SCYL2: variants seen among roughly 807,000 people sequenced by gnomAD.
SCYL2 encodes SCY1-like protein 2.
A neutral mutation model predicts 100.4 loss-of-function variants in SCYL2; 36 were observed. That is an observed-to-expected ratio of 0.36 (90% CI 0.27 to 0.47). The LOEUF is 0.47. Ranked by LOEUF, SCYL2 falls within the 20% of genes least tolerant of loss-of-function variation. SCYL2 has a pLI of 1.00. For synonymous variants in SCYL2, 330 were observed against 359.2 expected, an observed-to-expected ratio of 0.92 and a Z score of 0.92; for missense variants, 902 against 1,083.9, an observed-to-expected ratio of 0.83 and a Z score of 2.36.
At chr12:100,304,470 C>G (rs143317804) in intron 4 of SCYL2, among the ~76,000 whole-genome samples, 25 of 152,258 alleles carry the variant, frequency 1.6e-4, no homozygotes, top group African/African-American at 5.5e-4. Flanking sequence ...CACCATCCCT[C>G]ATGGGACATA....
At chr12:100,303,884 G>T (rs139175264) in intron 4 of SCYL2, among the ~76,000 whole-genome samples, 96 of 152,314 alleles carry the variant, frequency 6.3e-4, no homozygotes, top group African/African-American at 2.1e-3. Flanking sequence ...CAAATGCTCT[G>T]TCTCAGGGAA....
chr12:100,294,874 G>A (rs1278401247), intron 3 of SCYL2, among the ~76,000 whole-genome samples: 5 of 151,672 alleles, frequency 3.3e-5, no homozygotes, highest in South Asian at 2.1e-4. Context: ...GGTGGCTGCC[G>A]GGCGGAGAGG....
intron 1 of SCYL2, among the ~76,000 whole-genome samples, chr12:100,275,140 C>T (rs1236639671): frequency 6.6e-6 from 1 of 151,614 alleles, no homozygotes; most frequent in East Asian, 1.9e-4. Flanking sequence ...TATTTCATAC[C>T]CTTGAAACAG....
chr12:100,276,499 A>T (rs2096292625), intron 1 of SCYL2, among the ~76,000 whole-genome samples: 1 of 151,848 alleles, frequency 6.6e-6, no homozygotes, highest in African/African-American at 2.4e-5. Context: ...TGCCCTGCAC[A>T]TTTTATTTTA....
At position 100,335,704 on chromosome 12, in the gene SCYL2, T is replaced by G. The variant is rs1429883609; in HGVS notation, c.1929+13T>G. 1.9e-6 allele frequency: 3 copies of G among 1,607,762 alleles called. No homozygotes were observed. Among genetic ancestry groups the G allele is most frequent in the East Asian group, 4.5e-5 (2 of 44,794 alleles). On this transcript the variant is annotated intron_variant, in intron 15 of 17. Transcript: ENST00000360820. ...TATTGGGAATCAGGTAAGAAGCAGC[T>G]TAATTTTTGCAGAAAGTATGCTTCA...
chr12:100,326,661 G>T lies in SCYL2; in HGVS notation c.1549G>T (p.Glu517Ter). Reference sequence around the variant, plus strand: ...ATTAGTGTGCTTAGGAAAGATTTTGGAATACTTGGATAAGTGGTTTGTACT... The same window carrying T: ...ATTAGTGTGCTTAGGAAAGATTTTGTAATACTTGGATAAGTGGTTTGTACT... ...NSLVCLGKIL[E>*]YLDKWFVLDD... The change falls in exon 12 of 18, where the codon GAA (glutamate) becomes TAA (stop). Residue 517 changes from glutamate to a stop codon, truncating the protein, a stop_gained. Coordinates refer to ENST00000360820, the MANE Select transcript of SCYL2 (RefSeq NM_017988.6). LOFTEE classifies it high-confidence loss of function. The T allele has an allele frequency of 6.2e-7, 1 of 1,606,816 alleles. No individual in the cohort carries two copies.
At chr12:100,270,154 T>C (rs950147309) in intron 1 of SCYL2, among the ~76,000 whole-genome samples, 3 of 151,908 alleles carry the variant, frequency 2.0e-5, no homozygotes, top group Middle Eastern at 3.2e-3. Context: ...GCCTGGCTAA[T>C]TTTTTGTATT....
In SCYL2 at chr12:100,314,618, TG is replaced by T. The variant is rs2096346270; in HGVS notation, c.1095+5del. 6.3e-7 allele frequency: 1 copy of T among 1,589,278 alleles called. No homozygotes were observed. Among genetic ancestry groups the T allele is most frequent in the Non-Finnish European group, 8.5e-7 (1 of 1,172,844 alleles). ...GGTTCTACCAAAACTGCCCAAGGTTTGTTATTGTTAGTTTCTTATTAATAAT... is the reference window on the plus strand; with the variant it reads ...GGTTCTACCAAAACTGCCCAAGGTTTTTATTGTTAGTTTCTTATTAATAAT... On this transcript the variant is annotated splice_donor_5th_base_variant and intron_variant, in intron 8 of 17. Transcript: ENST00000360820.
chr12:100,280,595 A>G (rs1255179676), intron 1 of SCYL2, among the ~76,000 whole-genome samples: 2 of 152,324 alleles, frequency 1.3e-5, no homozygotes, highest in East Asian at 1.9e-4. Context: ...TTAATTTACC[A>G]AAGGAGAAAA....
intron 1 of SCYL2, among the ~76,000 whole-genome samples, chr12:100,278,573 AAG>A (rs971442055): frequency 1.3e-5 from 2 of 151,984 alleles, no homozygotes; most frequent in Admixed American, 1.3e-4. Context: ...TAGCAGTTTA[AAG>A]ACCTCATTCA....
intron 10 of SCYL2, among the ~76,000 whole-genome samples, chr12:100,319,713 G>A (rs2096353520): frequency 6.6e-6 from 1 of 152,050 alleles, no homozygotes; most frequent in African/African-American, 2.4e-5. Context: ...AGTAGAGACG[G>A]GGTTTCACCA....
chr12:100,278,773 G>T (rs181887483), intron 1 of SCYL2, among the ~76,000 whole-genome samples: 9 of 151,948 alleles, frequency 5.9e-5, no homozygotes, highest in African/African-American at 2.2e-4. Flanking sequence ...GGGACTACAG[G>T]CGCGTACCAC....
intron 14 of SCYL2, among the ~76,000 whole-genome samples, chr12:100,334,891 C>T (rs370434653): frequency 3.7e-4 from 56 of 151,908 alleles, no homozygotes; most frequent in Middle Eastern, 6.8e-3. Flanking sequence ...AAAGTTTGAT[C>T]CTGAACCAAA....
chr12:100,291,644 C>T lies in SCYL2; in HGVS notation c.319C>T (p.Pro107Ser). 1 of 1,581,366 alleles carries T rather than the reference C, an allele frequency of 6.3e-7. No homozygotes were observed. The highest frequency in any genetic ancestry group is 8.5e-7 in the Non-Finnish European group (1 of 1,170,166). The change falls in exon 3 of 18, where the codon CCT becomes TCT. Residue 107 changes from proline (P) to serine (S), a missense_variant. Physicochemically the swap from Pro to Ser is moderately conservative, Grantham distance 74. Coordinates refer to ENST00000360820, the MANE Select transcript of SCYL2 (RefSeq NM_017988.6). The stretch of plus-strand genomic sequence containing the variant: ...CCCTCGACTTCTTACTGTCCAGCAT[C>T]CTTTAGAAGAATCCAGGTAAATTTT... ...RHPRLLTVQHPLEESRDCLAF... is the reference protein window; with the variant it reads ...RHPRLLTVQHSLEESRDCLAF...
chr12:100,275,175 G>C (rs2096291285), intron 1 of SCYL2, among the ~76,000 whole-genome samples: 1 of 151,776 alleles, frequency 6.6e-6, no homozygotes, highest in Admixed American at 6.6e-5. Flanking sequence ...AAATTTTCTA[G>C]TAGAAATACA....
intron 10 of SCYL2, among the ~76,000 whole-genome samples, chr12:100,322,202 C>G (rs1172086026): frequency 6.6e-6 from 1 of 150,690 alleles, no homozygotes; most frequent in Non-Finnish European, 1.5e-5. Context: ...GAAACCCCGT[C>G]TCTACTAAAA....
At chr12:100,329,661 T>G (rs566391308) in intron 13 of SCYL2, among the ~76,000 whole-genome samples, 4 of 152,126 alleles carry the variant, frequency 2.6e-5, no homozygotes, top group Non-Finnish European at 2.9e-5. Flanking sequence ...AACTTAAGGG[T>G]TTAAAGCAAC....
intron 1 of SCYL2, among the ~76,000 whole-genome samples, chr12:100,268,071 G>C (rs1178113409): frequency 3.3e-5 from 5 of 152,176 alleles, no homozygotes; most frequent in African/African-American, 1.2e-4. Context: ...CCTGTGATCC[G>C]TAATTAAGGA....
rs1231876805 is a variant in SCYL2, at chr12:100,313,442, T to C, written c.873T>C (p.Ser291=). ...AATAGTTGAGTCGTTTAGGATCTAG[T>C]TCACTTACAAATATACCTGAGGAAG... ...QLDQLSRLGS[S]SLTNIPEEVR... The change falls in exon 7 of 18, where the codon AGT becomes AGC. Residue 291 remains serine, a synonymous_variant. Coordinates refer to ENST00000360820, the MANE Select transcript of SCYL2 (RefSeq NM_017988.6). The C allele has an allele frequency of 6.3e-7, 1 of 1,591,102 alleles. No individual in the cohort carries two copies. The highest frequency in any genetic ancestry group is 8.6e-7 in the Non-Finnish European group (1 of 1,160,506).
Sources: allele counts gnomAD v4.1 joint callset (sites outside exome capture counted in the v4.1 genomes callset), GRCh38; gene constraint gnomAD v4.1.1; transcripts MANE v1.5; gene names NCBI Gene and HGNC (gene_info 2026-07-23, HGNC 2026-07-21).